The following PLCH1 variants were observed in gnomAD, a reference collection of about 807,000 sequenced individuals.
PLCH1 encodes phospholipase C eta 1.
Under a neutral mutation model 126.7 loss-of-function variants are expected in PLCH1, and 60 were observed. The ratio of observed to expected loss-of-function variants is 0.47; its 90% CI spans 0.38 to 0.59. PLCH1 has a LOEUF of 0.59. PLCH1 is among the 20% of genes least tolerant of loss of function. PLCH1 has a pLI of 0.00. For missense variants in PLCH1, 1,723 were observed against 2,040.0 expected (o/e 0.84, Z 2.99); for synonymous variants, 719 against 734.9 (o/e 0.98, Z 0.35).
At chr3:155,491,191 G>A (rs953865905) in intron 18 of PLCH1, among the ~76,000 whole-genome samples, 1 of 152,186 alleles carries the variant, frequency 6.6e-6, no homozygotes, top group African/African-American at 2.4e-5. Flanking sequence ...ATCTATAATA[G>A]TCAAACACTG....
intron 13 of PLCH1, among the ~76,000 whole-genome samples, chr3:155,504,164 C>T (rs1348923786): frequency 6.6e-6 from 1 of 152,070 alleles, no homozygotes; most frequent in Non-Finnish European, 1.5e-5. Context: ...TTTTGCCCAT[C>T]TTTTAGAAAT....
chr3:155,499,129 C>T (rs1280624674), intron 14 of PLCH1, among the ~76,000 whole-genome samples: 1 of 152,126 alleles, frequency 6.6e-6, no homozygotes, highest in Non-Finnish European at 1.5e-5. Flanking sequence ...AGAGGTATTC[C>T]ATTGTAGTTT....
chr3:155,492,766 G>C lies in PLCH1; in HGVS notation c.2270C>G (p.Pro757Arg). ...TCCAAACATGGAGTCTGGAGGTTTGGGGAGTTGCTGTCCACTGATAACTTT... is the reference window on the plus strand; with the variant it reads ...TCCAAACATGGAGTCTGGAGGTTTGCGGAGTTGCTGTCCACTGATAACTTT... ...ILKVISGQQL[P>R]KPPDSMFGDR... Residue 757 changes from proline to arginine, a missense_variant, in exon 18 of 23, where the codon CCC (proline) becomes CGC (arginine). Around this residue, in one of 2 missense-constraint regions of PLCH1, gnomAD observed 776 missense variants for 1,062.9 expected, o/e 0.73. Coordinates refer to ENST00000460012, the MANE Select transcript of PLCH1 (RefSeq NM_014996.4). 6.2e-7 allele frequency: 1 copy of C among 1,605,700 alleles called. No individual in the cohort carries two copies. Among genetic ancestry groups the C allele is most frequent in the Non-Finnish European group, 8.5e-7 (1 of 1,176,458 alleles).
intron 9 of PLCH1, among the ~76,000 whole-genome samples, chr3:155,550,338 C>A (rs173384): frequency 0.82 from 124,027 of 152,008 alleles, 52,335 homozygotes; most frequent in Non-Finnish European, 0.94. Flanking sequence ...AAAAGTCTAA[C>A]AGCTTCTAAG....
At chr3:155,453,212 C>A (rs1167770867) in intron 21 of PLCH1, among the ~76,000 whole-genome samples, 2 of 152,112 alleles carry the variant, frequency 1.3e-5, no homozygotes, top group Admixed American at 6.6e-5. Context: ...GGCTAAGGAA[C>A]TTTCACAGAT....
chr3:155,559,309 A>G lies in PLCH1; in HGVS notation c.1070-5113T>C, dbSNP rs138614239. On this transcript the variant is annotated intron_variant, in intron 8 of 22. Coordinates refer to ENST00000460012, the MANE Select transcript of PLCH1 (RefSeq NM_014996.4). The stretch of plus-strand genomic sequence containing the variant: ...TGTTATAAGAATTAAATGAGAATGC[A>G]CGGAAAACACTTAGCCAGGACCTGG... Among the ~76,000 whole-genome samples, 775 of 152,228 alleles carry G rather than the reference A, an allele frequency of 5.1e-3. 9 individuals carry two copies. Among genetic ancestry groups the G allele is most frequent in the African/African-American group, 0.018 (740 of 41,544 alleles).
At chr3:155,600,569 C>A (rs1305103159) in intron 2 of PLCH1, among the ~76,000 whole-genome samples, 37 of 149,452 alleles carry the variant, frequency 2.5e-4, no homozygotes, top group Admixed American at 2.5e-3. Flanking sequence ...CCCTTTAATT[C>A]TACATTCTCC....
rs990611415 is a variant in PLCH1, at chr3:155,493,183, G to A, written c.2183-330C>T. 4.6e-5 allele frequency among the ~76,000 whole-genome samples: 7 copies of A among 152,200 alleles called. No homozygotes were observed. In the East Asian group the frequency reaches 1.3e-3, roughly 29 times the overall value. On this transcript the variant is annotated intron_variant, in intron 17 of 22. Coordinates refer to ENST00000460012, the MANE Select transcript of PLCH1 (RefSeq NM_014996.4). ...CTAACCTAAACTATCTCAGGCATGA[G>A]TGAATATAACAAACAGAAAGAAGAC...
intron 2 of PLCH1, among the ~76,000 whole-genome samples, chr3:155,610,392 A>G (rs956009469): frequency 6.5e-5 from 9 of 139,316 alleles, no homozygotes; most frequent in Admixed American, 5.9e-4. Flanking sequence ...AAAAAAAACC[A>G]TCACCTAGGC....
At chr3:155,548,746 G>A (rs1251968885) in intron 10 of PLCH1, among the ~76,000 whole-genome samples, 1 of 152,156 alleles carries the variant, frequency 6.6e-6, no homozygotes, top group African/African-American at 2.4e-5. Context: ...GCATTATGTG[G>A]AGCTTTTATT....
intron 2 of PLCH1, among the ~76,000 whole-genome samples, chr3:155,661,695 T>C (rs1402925035): frequency 6.6e-6 from 1 of 152,146 alleles, no homozygotes; most frequent in Non-Finnish European, 1.5e-5. Flanking sequence ...TCCTCTCTGA[T>C]ACTAGATTTT....
chr3:155,467,746 T>A (rs535164130), intron 21 of PLCH1, among the ~76,000 whole-genome samples: 77 of 152,292 alleles, frequency 5.1e-4, no homozygotes, highest in Non-Finnish European at 7.8e-4. Context: ...ATAGTATAAC[T>A]GGCAAAAATA....
intron 2 of PLCH1, among the ~76,000 whole-genome samples, chr3:155,668,614 TG>T (rs1184667275): frequency 6.6e-6 from 1 of 152,088 alleles, no homozygotes; most frequent in Non-Finnish European, 1.5e-5. Context: ...GAGCCTAGGC[TG>T]GGTGCGGTGG....
intron 3 of PLCH1, 56 bp downstream of exon 3, chr3:155,596,176 T>TA (rs1412779224): frequency 2.9e-6 from 4 of 1,375,564 alleles, no homozygotes. Context: ...GCCCACTCAG[T>TA]ATAACCCGTG....
At chr3:155,661,580 G>A (rs1160499968) in intron 2 of PLCH1, among the ~76,000 whole-genome samples, 1 of 152,066 alleles carries the variant, frequency 6.6e-6, no homozygotes, top group African/African-American at 2.4e-5. Flanking sequence ...AAGCAGAAAT[G>A]TTTGGGGGAA....
At chr3:155,716,037 C>A (rs1464005132) in intron 1 of PLCH1, among the ~76,000 whole-genome samples, 1 of 152,150 alleles carries the variant, frequency 6.6e-6, no homozygotes, top group Non-Finnish European at 1.5e-5. Context: ...CTTCCCCAAC[C>A]CCCAAGTTTT....
chr3:155,561,703 C>T (rs1390433186), intron 8 of PLCH1, among the ~76,000 whole-genome samples: 2 of 152,056 alleles, frequency 1.3e-5, no homozygotes, highest in East Asian at 1.9e-4. Context: ...CCTGAGGAAT[C>T]GCCACACTGA....
intron 2 of PLCH1, among the ~76,000 whole-genome samples, chr3:155,615,192 A>T (rs1332118282): frequency 6.6e-6 from 1 of 152,246 alleles, no homozygotes; most frequent in Admixed American, 6.5e-5. Flanking sequence ...AGTGCTCAAC[A>T]TGACTAATCA....
At chr3:155,473,798 C>T (rs2107985772) in intron 21 of PLCH1, among the ~76,000 whole-genome samples, 1 of 150,686 alleles carries the variant, frequency 6.6e-6, no homozygotes, top group African/African-American at 2.4e-5. Context: ...TGATCTTTGA[C>T]AAACCTGAGA....
Sources: gnomAD v4.1 joint callset for allele counts (sites outside exome capture counted in the v4.1 genomes callset) on GRCh38, gnomAD v4.1.1 for gene constraint, gnomAD v4.1.1 regional missense constraint, MANE v1.5 for transcripts, NCBI Gene and HGNC (gene_info 2026-07-23, HGNC 2026-07-21) for gene names.